PLCZ1: variants seen among roughly 807,000 people sequenced by gnomAD.
PLCZ1 encodes 1-phosphatidylinositol 4,5-bisphosphate phosphodiesterase zeta-1.
PLCZ1 carries 64 observed loss-of-function variants against 76.8 expected under a neutral mutation model. That is an observed-to-expected ratio of 0.83 (90% CI 0.68 to 1.03). The LOEUF is 1.03. PLCZ1 is among the 50% of genes least tolerant of loss of function. The pLI is 0.00. For missense variants in PLCZ1, 751 were observed against 713.7 expected (o/e 1.05, Z -0.60); for synonymous variants, 248 against 230.8 (o/e 1.07, Z -0.68).
chr12:18,736,631 A>T (rs12306752), intron 2 of PLCZ1: 364,420 of 1,295,496 alleles, frequency 0.28, 52,617 homozygotes, highest in African/African-American at 0.37. Flanking sequence ...AAAACATTAT[A>T]ACAATCTATT....
intron 12 of PLCZ1, among the ~76,000 whole-genome samples, chr12:18,691,165 G>T (rs1293656642): frequency 6.6e-6 from 1 of 152,074 alleles, no homozygotes; most frequent in East Asian, 1.9e-4. Context: ...ATTTAACGTT[G>T]GTCTGGATGT....
intron 3 of PLCZ1, among the ~76,000 whole-genome samples, chr12:18,724,650 T>C (rs1958645840): frequency 6.6e-6 from 1 of 152,078 alleles, no homozygotes; most frequent in Non-Finnish European, 1.5e-5. Flanking sequence ...ATGCGTATTG[T>C]TCATTACCTT....
chr12:18,723,089 A>G (rs577444194), intron 4 of PLCZ1, among the ~76,000 whole-genome samples: 1 of 152,052 alleles, frequency 6.6e-6, no homozygotes, highest in South Asian at 2.1e-4. Context: ...AAAAGAAAGG[A>G]GCTGAACAAT....
At chr12:18,673,556 G>T in the PLCZ1 span, among the ~76,000 whole-genome samples, 5,331 of 152,202 alleles carry the variant, frequency 0.035, 310 homozygotes, top group African/African-American at 0.12. Flanking sequence ...ACAAAGAAAA[G>T]ACCTATTCTA....
chr12:18,651,704 T>A, the PLCZ1 span, among the ~76,000 whole-genome samples: 7 of 152,240 alleles, frequency 4.6e-5, no homozygotes, highest in African/African-American at 1.7e-4. Context: ...CTAGATCCAT[T>A]CATCTGAAGT....
the PLCZ1 span, among the ~76,000 whole-genome samples, chr12:18,665,979 G>A: frequency 2.6e-5 from 4 of 151,314 alleles, no homozygotes; most frequent in Admixed American, 6.6e-5. Flanking sequence ...CATGCCTGAG[G>A]TATGGAGCTA....
chr12:18,695,408 C>T (rs1417216033), intron 11 of PLCZ1, among the ~76,000 whole-genome samples: 3 of 152,110 alleles, frequency 2.0e-5, no homozygotes, highest in Non-Finnish European at 4.4e-5. Flanking sequence ...AGTATCAGTG[C>T]ATTGAATGCA....
chr12:18,733,254 T>C (rs1007019025), intron 3 of PLCZ1, among the ~76,000 whole-genome samples: 2 of 152,338 alleles, frequency 1.3e-5, no homozygotes, highest in Admixed American at 6.5e-5. Context: ...ATAGCTTCTT[T>C]AGGGAAATGT....
the PLCZ1 span, among the ~76,000 whole-genome samples, chr12:18,645,858 T>C: frequency 3.3e-5 from 5 of 152,096 alleles, no homozygotes; most frequent in East Asian, 9.6e-4. Flanking sequence ...ATTCACAGAG[T>C]CCTTAGCCAG....
At chr12:18,653,574 T>G in the PLCZ1 span, among the ~76,000 whole-genome samples, 4 of 152,176 alleles carry the variant, frequency 2.6e-5, no homozygotes, top group Non-Finnish European at 5.9e-5. Context: ...CCAAATTGTG[T>G]TCCTTTGTAT....
the PLCZ1 span, among the ~76,000 whole-genome samples, chr12:18,660,436 G>T: frequency 6.6e-5 from 10 of 152,104 alleles, no homozygotes; most frequent in African/African-American, 2.2e-4. Flanking sequence ...ATCCAGGGGG[G>T]TTTAAAGGGC....
the PLCZ1 span, among the ~76,000 whole-genome samples, chr12:18,661,376 AAG>A: frequency 1.3e-5 from 2 of 151,310 alleles, no homozygotes; most frequent in Non-Finnish European, 3.0e-5. Flanking sequence ...AATAAAAAAA[AAG>A]AGAGAGAGAG....
the PLCZ1 span, among the ~76,000 whole-genome samples, chr12:18,651,675 G>C: frequency 6.6e-6 from 1 of 152,134 alleles, no homozygotes; most frequent in East Asian, 1.9e-4. Context: ...GGCCTGAACA[G>C]CCTTTGAAGG....
chr12:18,664,778 C>A, the PLCZ1 span, among the ~76,000 whole-genome samples: 2 of 151,230 alleles, frequency 1.3e-5, no homozygotes, highest in African/African-American at 4.9e-5. Flanking sequence ...CAATGATAGA[C>A]TGGATTAAGA....
At chr12:18,650,664 A>G in the PLCZ1 span, among the ~76,000 whole-genome samples, 796 of 35,586 alleles carry the variant, frequency 0.022, 21 homozygotes, top group African/African-American at 0.074. Context: ...TGGAATATAA[A>G]TGTGTGTGTG....
chr12:18,723,543 C>G lies in PLCZ1; in HGVS notation c.136-1G>C, dbSNP rs1401353772. ...TTCCTTGTTTCAGCCTGTCATTGTC[C>G]TACTAAAAAAATGACTGGTGGGCTC... On this transcript the variant is annotated splice_acceptor_variant, in intron 3 of 14. Coordinates refer to ENST00000266505, the MANE Select transcript of PLCZ1 (RefSeq NM_033123.4). LOFTEE classifies it high-confidence loss of function. The G allele has an allele frequency of 9.3e-6, 15 of 1,608,688 alleles. No homozygotes were observed. The highest frequency in any genetic ancestry group is 1.3e-5 in the Non-Finnish European group (15 of 1,176,976).
At chr12:18,696,022 C>G (rs1047985843) in intron 11 of PLCZ1, 128 bp downstream of exon 11, 1 of 576,466 alleles carries the variant, frequency 1.7e-6, no homozygotes, top group South Asian at 1.8e-5. Flanking sequence ...CCATTAGTGC[C>G]TGACCCCAAA....
At chr12:18,646,813 G>T in the PLCZ1 span, among the ~76,000 whole-genome samples, 3 of 151,868 alleles carry the variant, frequency 2.0e-5, 1 homozygote, top group Admixed American at 2.0e-4. Context: ...TTTCTTAGCG[G>T]TACTATGCCT....
downstream of PLCZ1, among the ~76,000 whole-genome samples, chr12:18,681,689 C>T (rs1952432337): frequency 6.6e-6 from 1 of 151,934 alleles, no homozygotes; most frequent in African/African-American, 2.4e-5. Flanking sequence ...CTCGCAAAGT[C>T]CGTATTCCTA....
Sources: gnomAD v4.1 joint callset for allele counts (sites outside exome capture counted in the v4.1 genomes callset) on GRCh38, gnomAD v4.1.1 for gene constraint, MANE v1.5 for transcripts, NCBI Gene and HGNC (gene_info 2026-07-23, HGNC 2026-07-21) for gene names.